Variants in NTM observed in about 807,000 individuals in gnomAD.
NTM encodes the protein neurotrimin, also known as IgLON family member 2.
In NTM, 13 loss-of-function variants were observed where a neutral mutation model predicts 42.1. The ratio of observed to expected loss-of-function variants is 0.31; its 90% CI spans 0.20 to 0.49. The LOEUF is 0.49. Ranked by LOEUF, NTM falls within the 20% of genes least tolerant of loss-of-function variation. The pLI, the probability that NTM is intolerant of heterozygous loss-of-function variation, is 0.99. For missense variants in NTM, 373 were observed against 452.8 expected (o/e 0.82, Z 1.60); for synonymous variants, 187 against 179.2 (o/e 1.04, Z -0.35).
chr11:131,780,776 T>A (rs2087938709), intron 1 of NTM, among the ~76,000 whole-genome samples: 1 of 152,186 alleles, frequency 6.6e-6, no homozygotes, highest in South Asian at 2.1e-4. Flanking sequence ...TAGAATCTAA[T>A]GTGAGAGGGT....
At chr11:131,559,050 A>C (rs1181305976) in intron 1 of NTM, among the ~76,000 whole-genome samples, 4 of 152,238 alleles carry the variant, frequency 2.6e-5, no homozygotes, top group Admixed American at 2.6e-4. Flanking sequence ...TTCTTAATAA[A>C]AAATCAAATT....
At chr11:131,487,730 G>T (rs932336628) in intron 1 of NTM, among the ~76,000 whole-genome samples, 4 of 151,568 alleles carry the variant, frequency 2.6e-5, no homozygotes, top group African/African-American at 9.8e-5. Flanking sequence ...CTACCCCTAG[G>T]CTTAAAGAAA....
At chr11:131,505,103 C>G (rs1274623065) in intron 1 of NTM, among the ~76,000 whole-genome samples, 1 of 122,530 alleles carries the variant, frequency 8.2e-6, no homozygotes, top group Non-Finnish European at 1.7e-5. Context: ...TGGGAAGTCA[C>G]GAATCTCTGA....
At chr11:131,690,821 C>G (rs1234138740) in intron 1 of NTM, among the ~76,000 whole-genome samples, 1 of 152,190 alleles carries the variant, frequency 6.6e-6, no homozygotes, top group Non-Finnish European at 1.5e-5. Flanking sequence ...CTGAGGCACA[C>G]GGCGGGTGAA....
At chr11:131,798,320 G>A (rs1311640772) in intron 1 of NTM, among the ~76,000 whole-genome samples, 5 of 152,186 alleles carry the variant, frequency 3.3e-5, no homozygotes, top group Non-Finnish European at 7.3e-5. Flanking sequence ...GCACAGTGCT[G>A]CAGTTGTTTT....
At chr11:131,569,146 AT>A (rs34930353) in intron 1 of NTM, among the ~76,000 whole-genome samples, 5,836 of 137,098 alleles carry the variant, frequency 0.043, 301 homozygotes, top group African/African-American at 0.13. Context: ...TTTCGTTTTC[AT>A]TTTTTTTTTT....
At chr11:132,225,322 G>T (rs2085987908) in intron 4 of NTM, among the ~76,000 whole-genome samples, 1 of 150,248 alleles carries the variant, frequency 6.7e-6, no homozygotes, top group Non-Finnish European at 1.5e-5. Flanking sequence ...AAAAAAAAAA[G>T]ACATGGGTGA....
intron 1 of NTM, among the ~76,000 whole-genome samples, chr11:131,544,799 G>A (rs930750248): frequency 1.2e-4 from 18 of 152,176 alleles, no homozygotes; most frequent in African/African-American, 1.7e-4. Context: ...TCCTGGGGGC[G>A]CCGCTTGCTC....
intron 1 of NTM, among the ~76,000 whole-genome samples, chr11:131,640,766 C>T (rs1409041744): frequency 6.6e-6 from 1 of 152,148 alleles, no homozygotes; most frequent in African/African-American, 2.4e-5. Flanking sequence ...AGCAGAATCT[C>T]AAGGAGGGAC....
intron 1 of NTM, among the ~76,000 whole-genome samples, chr11:131,870,903 C>T (rs1419100100): frequency 6.6e-6 from 1 of 152,082 alleles, no homozygotes; most frequent in South Asian, 2.1e-4. Context: ...AAAAAATAGT[C>T]CTATTTCAGA....
chr11:131,789,636 A>G (rs140094444), intron 1 of NTM, among the ~76,000 whole-genome samples: 2,006 of 30,836 alleles, frequency 0.065, 385 homozygotes, highest in African/African-American at 0.1. Context: ...AAGAAGAAGA[A>G]AAGAAGAAGA....
At chr11:132,261,722 T>C (rs2092868722) in intron 4 of NTM, among the ~76,000 whole-genome samples, 2 of 152,184 alleles carry the variant, frequency 1.3e-5, no homozygotes, top group Admixed American at 1.3e-4. Context: ...TTCAGTAGAA[T>C]AGGAGCTGCC....
intron 7 of NTM, among the ~76,000 whole-genome samples, chr11:132,321,203 C>A (rs1171102053): frequency 5.3e-5 from 8 of 152,172 alleles, no homozygotes; most frequent in South Asian, 2.1e-4. Context: ...TGAGAGAAGA[C>A]AGCTTCAGAC....
At chr11:132,104,939 A>ATG (rs1566171778) in intron 2 of NTM, among the ~76,000 whole-genome samples, 18 of 18,734 alleles carry the variant, frequency 9.6e-4, no homozygotes, top group African/African-American at 3.6e-3. Flanking sequence ...ATACATATGT[A>ATG]TATATATATA....
intron 1 of NTM, among the ~76,000 whole-genome samples, chr11:131,709,448 A>G (rs757673689): frequency 4.6e-5 from 7 of 152,254 alleles, no homozygotes; most frequent in African/African-American, 7.2e-5. Flanking sequence ...AGGTGACAAG[A>G]CAGGATTAGT....
chr11:132,282,549 G>T (rs2094015691), intron 4 of NTM, among the ~76,000 whole-genome samples: 1 of 152,168 alleles, frequency 6.6e-6, no homozygotes, highest in Non-Finnish European at 1.5e-5. Context: ...CGAGTAGCTT[G>T]TGTCTTGAAA....
chr11:131,460,013 C>T (rs1951231183), intron 1 of NTM, among the ~76,000 whole-genome samples: 1 of 152,072 alleles, frequency 6.6e-6, no homozygotes. Context: ...AAAAAAAATG[C>T]TTAGGAATTT....
intron 2 of NTM, among the ~76,000 whole-genome samples, chr11:132,077,725 A>G (rs1252322479): frequency 6.6e-6 from 1 of 152,224 alleles, no homozygotes; most frequent in Non-Finnish European, 1.5e-5. Context: ...ATAGCCAACA[A>G]TAGAAGAACA....
chr11:132,287,618 T>C (rs1384324105), intron 4 of NTM, among the ~76,000 whole-genome samples: 1 of 151,968 alleles, frequency 6.6e-6, no homozygotes, highest in Non-Finnish European at 1.5e-5. Context: ...TTTCAGGGAG[T>C]CAAGTACAAA....
Sources: allele counts gnomAD v4.1 joint callset (sites outside exome capture counted in the v4.1 genomes callset), GRCh38; gene constraint gnomAD v4.1.1; transcripts MANE v1.5; gene names NCBI Gene and HGNC (gene_info 2026-07-23, HGNC 2026-07-21).